ROBO1: variants seen among roughly 807,000 people sequenced by gnomAD.
ROBO1 encodes the protein roundabout guidance receptor 1, also known as roundabout homolog 1.
In ROBO1, 149 loss-of-function variants were observed where a neutral mutation model predicts 195.9. That is an observed-to-expected ratio of 0.76 (90% CI 0.67 to 0.87). The LOEUF (loss-of-function observed/expected upper bound fraction) is 0.87. Ranked by LOEUF, ROBO1 falls within the 40% of genes least tolerant of loss-of-function variation. The pLI, the probability that ROBO1 is intolerant of heterozygous loss-of-function variation, is 0.00. For synonymous variants in ROBO1, 816 were observed against 733.2 expected, an observed-to-expected ratio of 1.11 and a Z score of -1.82; for missense variants, 1,933 against 2,068.3, an observed-to-expected ratio of 0.93 and a Z score of 1.27.
intron 4 of ROBO1, among the ~76,000 whole-genome samples, chr3:78,907,343 AG>A (rs1468859063): frequency 6.6e-6 from 1 of 152,142 alleles, no homozygotes; most frequent in Non-Finnish European, 1.5e-5. Flanking sequence ...GAATGAATCT[AG>A]CACAGTGACA....
At chr3:78,818,785 A>G (rs921987938) in intron 4 of ROBO1, among the ~76,000 whole-genome samples, 1 of 152,028 alleles carries the variant, frequency 6.6e-6, no homozygotes, top group African/African-American at 2.4e-5. Context: ...TCACTTTTCT[A>G]TTGAGCTTCC....
At chr3:78,718,991 T>C (rs553528273) in intron 5 of ROBO1, among the ~76,000 whole-genome samples, 45 of 152,348 alleles carry the variant, frequency 3.0e-4, no homozygotes, top group African/African-American at 1.1e-3. Flanking sequence ...CCCCTCACAG[T>C]TTTGAATGCC....
At chr3:78,838,272 AG>A (rs760463222) in intron 4 of ROBO1, among the ~76,000 whole-genome samples, 4 of 152,222 alleles carry the variant, frequency 2.6e-5, no homozygotes, top group Non-Finnish European at 5.9e-5. Flanking sequence ...ATTAAAGGCC[AG>A]GTTGGCACTG....
intron 3 of ROBO1, among the ~76,000 whole-genome samples, chr3:78,986,582 G>A (rs1017155824): frequency 3.3e-5 from 5 of 152,170 alleles, no homozygotes; most frequent in East Asian, 3.9e-4. Flanking sequence ...CTTATTGAAC[G>A]AACAGAAAAT....
At chr3:78,794,193 G>A (rs2084114005) in intron 4 of ROBO1, among the ~76,000 whole-genome samples, 1 of 152,156 alleles carries the variant, frequency 6.6e-6, no homozygotes, top group Admixed American at 6.5e-5. Flanking sequence ...ATCTGAGCTA[G>A]CTGTGTTACC....
intron 5 of ROBO1, among the ~76,000 whole-genome samples, chr3:78,745,319 A>T (rs1283268192): frequency 6.6e-6 from 1 of 151,954 alleles, no homozygotes; most frequent in Admixed American, 6.6e-5. Flanking sequence ...AAAAAAAAAA[A>T]AAAAAAGATT....
chr3:79,098,525 C>G (rs1348467408), intron 3 of ROBO1, among the ~76,000 whole-genome samples: 3 of 151,810 alleles, frequency 2.0e-5, no homozygotes, highest in South Asian at 2.1e-4. Context: ...GCAAAACACA[C>G]ATGGTTCTGG....
intron 2 of ROBO1, among the ~76,000 whole-genome samples, chr3:79,196,245 A>C (rs1002944041): frequency 2.0e-5 from 3 of 150,910 alleles, no homozygotes; most frequent in African/African-American, 2.4e-5. Context: ...CTATCACTTC[A>C]CGTAGAGCTA....
intron 2 of ROBO1, among the ~76,000 whole-genome samples, chr3:79,463,880 A>T (rs968778940): frequency 8.5e-5 from 13 of 152,294 alleles, no homozygotes; most frequent in African/African-American, 2.6e-4. Flanking sequence ...TCAATTTTTG[A>T]TCACTTTCAC....
chr3:79,677,309 G>T (rs12106732), intron 1 of ROBO1, among the ~76,000 whole-genome samples: 4,399 of 152,066 alleles, frequency 0.029, 167 homozygotes, highest in African/African-American at 0.087. Context: ...TTTTCATGCT[G>T]CTGATAAAGA....
intron 5 of ROBO1, among the ~76,000 whole-genome samples, chr3:78,737,278 T>C (rs527369201): frequency 2.0e-5 from 3 of 152,292 alleles, no homozygotes; most frequent in East Asian, 3.9e-4. Flanking sequence ...TTCGTTCACA[T>C]ACATTTATAT....
chr3:79,504,393 A>G (rs1266107466), intron 2 of ROBO1, among the ~76,000 whole-genome samples: 1 of 152,274 alleles, frequency 6.6e-6, no homozygotes, highest in African/African-American at 2.4e-5. Context: ...GCTTTGTAAA[A>G]TGCTGAAAAT....
chr3:78,605,178 T>C (rs1479384739), intron 29 of ROBO1, among the ~76,000 whole-genome samples: 3 of 152,234 alleles, frequency 2.0e-5, no homozygotes, highest in African/African-American at 7.2e-5. Context: ...TGTGGTATTT[T>C]ATATGCCTTC....
chr3:79,440,808 T>C (rs974532640), intron 2 of ROBO1, among the ~76,000 whole-genome samples: 10 of 152,036 alleles, frequency 6.6e-5, no homozygotes, highest in Non-Finnish European at 1.3e-4. Flanking sequence ...GAGAGAAGCA[T>C]AAAGTCCTTA....
At chr3:78,686,471 C>T (rs1320517660) in intron 9 of ROBO1, among the ~76,000 whole-genome samples, 3 of 151,110 alleles carry the variant, frequency 2.0e-5, no homozygotes, top group Non-Finnish European at 4.4e-5. Flanking sequence ...AGGAGAATGG[C>T]GTGAACCCGG....
At chr3:78,908,423 T>C (rs973764267) in intron 4 of ROBO1, among the ~76,000 whole-genome samples, 2 of 151,898 alleles carry the variant, frequency 1.3e-5, no homozygotes, top group Non-Finnish European at 2.9e-5. Flanking sequence ...AATATGCAAT[T>C]TTGTAAAACA....
chr3:79,452,867 A>G (rs1460838248), intron 2 of ROBO1, among the ~76,000 whole-genome samples: 1 of 152,048 alleles, frequency 6.6e-6, no homozygotes, highest in East Asian at 1.9e-4. Flanking sequence ...GGCATAAAGC[A>G]GAAGTTATGA....
At chr3:78,657,339 T>G (rs1707103180) in intron 17 of ROBO1, 70 bp from the exon 18 acceptor site, 1 of 1,529,772 alleles carries the variant, frequency 6.5e-7, no homozygotes, top group Non-Finnish European at 8.9e-7. Context: ...AACACAGGGT[T>G]GCAGTTTTAG....
chr3:78,971,281 C>A (rs549922450), intron 3 of ROBO1, among the ~76,000 whole-genome samples: 21 of 152,106 alleles, frequency 1.4e-4, no homozygotes, highest in African/African-American at 5.1e-4. Flanking sequence ...CCCAGTTACT[C>A]GGGAGGCTGA....
Sources: allele counts gnomAD v4.1 joint callset (sites outside exome capture counted in the v4.1 genomes callset), GRCh38; gene constraint gnomAD v4.1.1; transcripts MANE v1.5; gene names NCBI Gene and HGNC (gene_info 2026-07-23, HGNC 2026-07-21).